Variants in SKIC3 observed in about 807,000 individuals in gnomAD.
The protein encoded by SKIC3 is superkiller complex protein 3.
chr5:95,498,786 C>G, the SKIC3 span, among the ~76,000 whole-genome samples: 4 of 151,994 alleles, frequency 2.6e-5, no homozygotes, highest in African/African-American at 9.7e-5. Flanking sequence ...CCATCAGGCC[C>G]GGCTAAATTT....
At chr5:95,507,162 A>G in the SKIC3 span, 1 of 706,812 alleles carries the variant, frequency 1.4e-6, no homozygotes. Context: ...TTAAGTTGGT[A>G]CCACAAAAGC....
At chr5:95,527,303 T>A in the SKIC3 span, among the ~76,000 whole-genome samples, 1 of 152,110 alleles carries the variant, frequency 6.6e-6, no homozygotes, top group Non-Finnish European at 1.5e-5. Flanking sequence ...TATAAAGCAT[T>A]CACACAAAAC....
the SKIC3 span, among the ~76,000 whole-genome samples, chr5:95,552,111 G>T: frequency 6.6e-6 from 1 of 152,034 alleles, no homozygotes; most frequent in Non-Finnish European, 1.5e-5. Context: ...TTTACGATGG[G>T]CTTATCAGCA....
At chr5:95,499,189 T>G in the SKIC3 span, among the ~76,000 whole-genome samples, 1 of 152,232 alleles carries the variant, frequency 6.6e-6, no homozygotes, top group African/African-American at 2.4e-5. Flanking sequence ...AATTCCATGT[T>G]GAATTGTAAT....
At chr5:95,493,549 GTC>G in the SKIC3 span, among the ~76,000 whole-genome samples, 1 of 151,978 alleles carries the variant, frequency 6.6e-6, no homozygotes, top group Non-Finnish European at 1.5e-5. Context: ...AAAATGTTTA[GTC>G]TCTTTTTGTT....
chr5:95,498,512 A>C, the SKIC3 span: 1 of 1,614,150 alleles, frequency 6.2e-7, no homozygotes, highest in Non-Finnish European at 8.5e-7. Context: ...GCTGCTTTTG[A>C]CAGTGTAGCA....
chr5:95,484,640 T>C, the SKIC3 span: 5 of 1,589,948 alleles, frequency 3.1e-6, no homozygotes, highest in Non-Finnish European at 4.3e-6. Context: ...AGCCACCGCA[T>C]CTAGCCTCAT....
At chr5:95,496,987 A>G in the SKIC3 span, among the ~76,000 whole-genome samples, 13 of 152,326 alleles carry the variant, frequency 8.5e-5, no homozygotes, top group Admixed American at 6.5e-4. Flanking sequence ...TCATATTTAT[A>G]ATTACATTTT....
chr5:95,525,835 C>T, the SKIC3 span, among the ~76,000 whole-genome samples: 14 of 152,136 alleles, frequency 9.2e-5, no homozygotes, highest in African/African-American at 3.4e-4. Flanking sequence ...CTCTTCATAA[C>T]CTTTTTATTA....
chr5:95,513,675 G>C, the SKIC3 span: 1 of 1,577,584 alleles, frequency 6.3e-7, no homozygotes, highest in Non-Finnish European at 8.7e-7. Flanking sequence ...GACTCTTAAT[G>C]TGTTTAAAAG....
chr5:95,516,620 T>C, the SKIC3 span: 1 of 1,613,256 alleles, frequency 6.2e-7, no homozygotes, highest in South Asian at 1.1e-5. Context: ...AACTGAACTT[T>C]GTTTGAAATA....
chr5:95,541,591 T>C, the SKIC3 span, among the ~76,000 whole-genome samples: 1 of 152,060 alleles, frequency 6.6e-6, no homozygotes, highest in East Asian at 1.9e-4. Context: ...TTATCTTCTA[T>C]TATATTGACT....
the SKIC3 span, among the ~76,000 whole-genome samples, chr5:95,476,607 C>T: frequency 6.6e-6 from 1 of 152,114 alleles, no homozygotes; most frequent in Non-Finnish European, 1.5e-5. Context: ...CATGTGTAAA[C>T]ATTCCTTCAT....
chr5:95,514,767 A>C, the SKIC3 span: 16 of 1,377,396 alleles, frequency 1.2e-5, 1 homozygote, highest in Non-Finnish European at 1.5e-5. Flanking sequence ...CTCAAATGCT[A>C]TCCGTTACCA....
At chr5:95,540,756 T>A in the SKIC3 span, 1 of 1,614,156 alleles carries the variant, frequency 6.2e-7, no homozygotes, top group Non-Finnish European at 8.5e-7. Flanking sequence ...ATTTTCTCCA[T>A]AGTTGATGAA....
the SKIC3 span, among the ~76,000 whole-genome samples, chr5:95,480,379 G>A: frequency 3.9e-5 from 6 of 152,048 alleles, no homozygotes; most frequent in Admixed American, 6.6e-5. Flanking sequence ...AGTAAAAAAT[G>A]AAGACTCCAT....
the SKIC3 span, among the ~76,000 whole-genome samples, chr5:95,478,987 A>C: frequency 6.6e-6 from 1 of 152,186 alleles, no homozygotes; most frequent in African/African-American, 2.4e-5. Flanking sequence ...CACTTTTGAC[A>C]TTGTATTAAA....
chr5:95,505,957 A>T, the SKIC3 span, among the ~76,000 whole-genome samples: 1 of 152,074 alleles, frequency 6.6e-6, no homozygotes, highest in South Asian at 2.1e-4. Flanking sequence ...AAGTAAACTT[A>T]AAAAAAATCT....
chr5:95,533,107 T>C, the SKIC3 span, among the ~76,000 whole-genome samples: 1 of 152,088 alleles, frequency 6.6e-6, no homozygotes, highest in South Asian at 2.1e-4. Flanking sequence ...TCCTCCCCCA[T>C]TTCAGTAACA....
Sources: gnomAD v4.1 joint callset for allele counts (sites outside exome capture counted in the v4.1 genomes callset) on GRCh38, gnomAD v4.1.1 for gene constraint, MANE v1.5 for transcripts, NCBI Gene and HGNC (gene_info 2026-07-23, HGNC 2026-07-21) for gene names.